The following PCDH20 variants were observed in gnomAD, a reference collection of about 807,000 sequenced individuals.
The protein encoded by PCDH20 is protocadherin-20.
PCDH20 carries 18 observed loss-of-function variants against 39.7 expected under a neutral mutation model. That is an observed-to-expected ratio of 0.45 (90% CI 0.31 to 0.67). The LOEUF (loss-of-function observed/expected upper bound fraction) is 0.67. Ranked by LOEUF, PCDH20 falls within the 30% of genes least tolerant of loss-of-function variation. PCDH20 has a pLI of 0.05. For synonymous variants in PCDH20, 495 were observed against 455.4 expected (o/e 1.09, Z -1.11); for missense variants, 1,161 against 1,167.4 (o/e 0.99, Z 0.08).
chr13:61,413,802 C>A (rs1356425352), exon 2 of PCDH20: 1 of 1,613,184 alleles, frequency 6.2e-7, no homozygotes. Flanking sequence ...ACTGCGGGTC[C>A]GGCCTCCCTG....
At chr13:61,411,418 G>C (rs1318874527) in exon 2 of PCDH20, 1 of 1,614,028 alleles carries the variant, frequency 6.2e-7, no homozygotes, top group Admixed American at 1.7e-5. Context: ...GCTTATTACA[G>C]ACAGAGCTAC....
At chr13:61,413,651 C>T in exon 2 of PCDH20, 5 of 1,614,192 alleles carry the variant, frequency 3.1e-6, no homozygotes, top group Non-Finnish European at 4.2e-6. Flanking sequence ...CACAGGGCCT[C>T]CCTGTCGATC....
At chr13:61,410,765 T>C (rs1362929077) in exon 2 of PCDH20, 5 of 152,672 alleles carry the variant, frequency 3.3e-5, no homozygotes, top group Non-Finnish European at 7.3e-5. Flanking sequence ...TGAAATTTAA[T>C]TTACTTTAAT....
chr13:61,412,512 A>G (rs1878267993), exon 2 of PCDH20: 1 of 1,614,090 alleles, frequency 6.2e-7, no homozygotes, highest in African/African-American at 1.3e-5. Flanking sequence ...GAGCATTATC[A>G]TTGTCATCTA....
exon 2 of PCDH20, chr13:61,411,053 C>T: frequency 2.3e-6 from 1 of 443,206 alleles, no homozygotes; most frequent in South Asian, 3.8e-5. Context: ...CTAATTTTCA[C>T]TTAAAAATGC....
intron 1 of PCDH20, among the ~76,000 whole-genome samples, 182 bp from the exon 2 acceptor site, chr13:61,414,148 C>T (rs1871484652): frequency 6.6e-6 from 1 of 152,100 alleles, no homozygotes; most frequent in South Asian, 2.1e-4. Context: ...GCAATATCGT[C>T]TCCAAAACTT....
At chr13:61,412,020 C>G (rs368424540) in exon 2 of PCDH20, 1 of 1,614,050 alleles carries the variant, frequency 6.2e-7, no homozygotes, top group African/African-American at 1.3e-5. Flanking sequence ...TAGCCCTCAG[C>G]ATACCCTTTC....
At chr13:61,413,553 C>A in exon 2 of PCDH20, 1 of 1,614,022 alleles carries the variant, frequency 6.2e-7, no homozygotes, top group Non-Finnish European at 8.5e-7. Flanking sequence ...GCAGGACAAG[C>A]ACATCCAGCA....
chr13:61,411,734 C>T, exon 2 of PCDH20: 1 of 1,614,188 alleles, frequency 6.2e-7, no homozygotes, highest in Non-Finnish European at 8.5e-7. Context: ...GGCCTAGGAC[C>T]TCTTCTCCCT....
chr13:61,415,148 CGGCCGCGCATTCCCTG>C, exon 1 of PCDH20: 1 of 1,456,112 alleles, frequency 6.9e-7, no homozygotes, highest in Non-Finnish European at 9.1e-7. Flanking sequence ...CGCATTCCCT[CGGCCGCGCATTCCCTG>C]GGAGGCTGCA....
exon 2 of PCDH20, chr13:61,412,978 T>C (rs148148121): frequency 1.9e-5 from 30 of 1,614,066 alleles, no homozygotes; most frequent in Non-Finnish European, 2.5e-5. Flanking sequence ...AGTGTTTTCA[T>C]CCAGGTGAAA....
At chr13:61,410,522 TG>T (rs1173192268) in exon 2 of PCDH20, 1 of 152,540 alleles carries the variant, frequency 6.6e-6, no homozygotes, top group Non-Finnish European at 1.5e-5. Flanking sequence ...CTATTTCCCT[TG>T]TAATAATAAC....
In PCDH20 at chr13:61,411,315, T is replaced by C. The variant is rs143399768; in HGVS notation, c.2784A>G (p.Val928=). Reference sequence around the variant, plus strand: ...CAATTTTTCCTTTCAGTGGAATCTGTACTTCCAAATTTTCATCTTCCCTGG... The same window carrying C: ...CAATTTTTCCTTTCAGTGGAATCTGCACTTCCAAATTTTCATCTTCCCTGG... Residue 928 remains valine, a synonymous_variant, in exon 2 of 2, where the codon GTA becomes GTG. Transcript: ENST00000409204. 87 of 1,614,106 alleles carry C rather than the reference T, an allele frequency of 5.4e-5. No homozygotes were observed. The African/African-American group carries it at 1.0e-3, about 19-fold the overall frequency.
At chr13:61,414,951 A>G in intron 1 of PCDH20, 76 bp downstream of exon 1, 1 of 1,286,080 alleles carries the variant, frequency 7.8e-7, no homozygotes, top group South Asian at 2.6e-5. Flanking sequence ...AAGGTTTGAA[A>G]AACCATCCGA....
exon 2 of PCDH20, chr13:61,412,985 G>T (rs770352424): frequency 6.2e-7 from 1 of 1,614,170 alleles, no homozygotes; most frequent in Non-Finnish European, 8.5e-7. Context: ...TCATCCAGGT[G>T]AAATAAATCC....
chr13:61,411,557 T>C (rs768109660), exon 2 of PCDH20: 26 of 1,614,114 alleles, frequency 1.6e-5, no homozygotes, highest in Non-Finnish European at 2.2e-5. Context: ...CTCTCATTAC[T>C]GACAGTGTCA....
At chr13:61,411,974 T>C (rs1212374266) in exon 2 of PCDH20, 2 of 1,614,152 alleles carry the variant, frequency 1.2e-6, no homozygotes, top group African/African-American at 1.3e-5. Flanking sequence ...ACCCACAAAG[T>C]ATAGGAGCTT....
chr13:61,415,219 C>G (rs542104624), exon 1 of PCDH20: 2 of 1,300,014 alleles, frequency 1.5e-6, no homozygotes, highest in South Asian at 2.2e-5. Flanking sequence ...CACTCCCTCT[C>G]GGTTCATGCA....
exon 2 of PCDH20, chr13:61,413,661 C>T (rs1347768105): frequency 6.2e-7 from 1 of 1,614,174 alleles, no homozygotes; most frequent in Non-Finnish European, 8.5e-7. Flanking sequence ...CCCTGTCGAT[C>T]TCCTGAGCTG....
Sources: gnomAD v4.1 joint callset for allele counts (sites outside exome capture counted in the v4.1 genomes callset) on GRCh38, gnomAD v4.1.1 for gene constraint, MANE v1.5 for transcripts, NCBI Gene and HGNC (gene_info 2026-07-23, HGNC 2026-07-21) for gene names.